The following TMEM132D variants were observed in gnomAD, a reference collection of about 807,000 sequenced individuals.
TMEM132D encodes the protein transmembrane protein 132D.
TMEM132D carries 21 observed loss-of-function variants against 62.3 expected under a neutral mutation model. That is an observed-to-expected ratio of 0.34 (90% CI 0.24 to 0.49). TMEM132D has a LOEUF of 0.49. Among genes scored for constraint, TMEM132D ranks in the 20% least tolerant of loss-of-function variants. The probability of loss-of-function intolerance (pLI) is 0.99; values close to 1 mark genes in which losing one functional copy is unlikely to be tolerated. For missense variants in TMEM132D, 1,346 were observed against 1,402.8 expected, an observed-to-expected ratio of 0.96 and a Z score of 0.65; for synonymous variants, 621 against 575.6, an observed-to-expected ratio of 1.08 and a Z score of -1.13.
intron 3 of TMEM132D, among the ~76,000 whole-genome samples, chr12:129,484,063 G>A (rs566644582): frequency 2.6e-5 from 4 of 151,986 alleles, no homozygotes; most frequent in Admixed American, 6.6e-5. Context: ...TTCACCTCCC[G>A]GGTTCAAGCG....
At chr12:129,382,756 T>C (rs145115836) in intron 3 of TMEM132D, among the ~76,000 whole-genome samples, 1 of 152,162 alleles carries the variant, frequency 6.6e-6, no homozygotes, top group African/African-American at 2.4e-5. Flanking sequence ...AAAGTGAGAT[T>C]TGAGGTGAAC....
chr12:129,854,295 C>A (rs1178264135), intron 1 of TMEM132D, among the ~76,000 whole-genome samples: 4 of 152,196 alleles, frequency 2.6e-5, no homozygotes, highest in Non-Finnish European at 5.9e-5. Context: ...ACCCCGGCCT[C>A]TGAGGCAGGC....
At chr12:129,295,833 T>C (rs1881560695) in intron 4 of TMEM132D, among the ~76,000 whole-genome samples, 1 of 152,190 alleles carries the variant, frequency 6.6e-6, no homozygotes, top group African/African-American at 2.4e-5. Flanking sequence ...ACAATGTAAA[T>C]GCTATATCAA....
At position 129,382,829 on chromosome 12, in the gene TMEM132D, C is replaced by T. The variant is rs185107007; in HGVS notation, c.1116-45012G>A. 1.4e-3 allele frequency among the ~76,000 whole-genome samples: 220 copies of T among 152,214 alleles called. 1 individual carries two copies. Among genetic ancestry groups the T allele is most frequent in the African/African-American group, 4.9e-3 (204 of 41,528 alleles). On this transcript the variant is annotated intron_variant, in intron 3 of 8. Transcript: ENST00000422113. Reference sequence around the variant, plus strand: ...ATACCCAAAGACAGGGGGAGAAGTCCTAGTTTGATTTTACGGCTGGTGGTG... The same window carrying T: ...ATACCCAAAGACAGGGGGAGAAGTCTTAGTTTGATTTTACGGCTGGTGGTG...
chr12:129,318,153 T>C (rs541740970), intron 4 of TMEM132D, among the ~76,000 whole-genome samples: 6 of 152,282 alleles, frequency 3.9e-5, no homozygotes, highest in African/African-American at 1.4e-4. Context: ...AAATCAGAGA[T>C]TTCTTCTTGG....
intron 5 of TMEM132D, among the ~76,000 whole-genome samples, chr12:129,102,375 C>T (rs1001914451): frequency 6.6e-6 from 1 of 151,396 alleles, no homozygotes; most frequent in Non-Finnish European, 1.5e-5. Context: ...CACACAAGCA[C>T]ATGCAGACAC....
chr12:129,252,887 T>C (rs920844839), intron 4 of TMEM132D, among the ~76,000 whole-genome samples: 1 of 152,060 alleles, frequency 6.6e-6, no homozygotes, highest in African/African-American at 2.4e-5. Context: ...TCATGTCCTT[T>C]GTAGGGACAT....
chr12:129,633,576 C>T (rs567203348), intron 2 of TMEM132D, among the ~76,000 whole-genome samples: 4 of 152,250 alleles, frequency 2.6e-5, no homozygotes, highest in Admixed American at 1.3e-4. Context: ...GATTCACACC[C>T]GGAGCCTTCC....
At chr12:129,388,084 C>T (rs536574684) in intron 3 of TMEM132D, among the ~76,000 whole-genome samples, 31 of 125,360 alleles carry the variant, frequency 2.5e-4, no homozygotes, top group African/African-American at 8.1e-4. Flanking sequence ...TAGACACTAA[C>T]AGCAACACCA....
intron 4 of TMEM132D, among the ~76,000 whole-genome samples, chr12:129,301,141 C>T (rs554134595): frequency 1.2e-4 from 18 of 152,270 alleles, no homozygotes; most frequent in Non-Finnish European, 1.6e-4. Flanking sequence ...ATCACTGTCC[C>T]GAGAGCAGAA....
chr12:129,505,250 T>G (rs1875293800), intron 3 of TMEM132D, among the ~76,000 whole-genome samples: 1 of 151,960 alleles, frequency 6.6e-6, no homozygotes, highest in Non-Finnish European at 1.5e-5. Flanking sequence ...GGTATAGTTT[T>G]TTTTTTTTTT....
intron 4 of TMEM132D, among the ~76,000 whole-genome samples, chr12:129,255,986 A>G (rs999937336): frequency 6.6e-6 from 1 of 152,334 alleles, no homozygotes; most frequent in East Asian, 1.9e-4. Context: ...ACCAAACCAC[A>G]TGGCTGGTGA....
Position 129,291,580 on chromosome 12 carries a change from C to T in TMEM132D, c.1299+46054G>A, listed in dbSNP as rs6486445. On this transcript the variant is annotated intron_variant, in intron 4 of 8. Transcript: ENST00000422113. The stretch of plus-strand genomic sequence containing the variant: ...TACTTTTGTAACAGAACAAAGGCTA[C>T]GGAAAATGTCTGTAAAATTTGGAAC... 6.0e-3 allele frequency among the ~76,000 whole-genome samples: 906 copies of T among 152,186 alleles called. 7 individuals carry two copies. The highest frequency in any genetic ancestry group is 0.017 in the African/African-American group (687 of 41,510).
chr12:129,309,934 GC>G (rs1259990108), intron 4 of TMEM132D, among the ~76,000 whole-genome samples: 1 of 152,156 alleles, frequency 6.6e-6, no homozygotes, highest in Admixed American at 6.5e-5. Context: ...ACCCGACTGA[GC>G]TGGAAGGGCC....
At chr12:129,244,385 C>CAAAAAAAA (rs751155633) in intron 4 of TMEM132D, among the ~76,000 whole-genome samples, 11 of 85,186 alleles carry the variant, frequency 1.3e-4, no homozygotes, top group East Asian at 4.3e-4. Flanking sequence ...GACTCTGTCT[C>CAAAAAAAA]AAAAAAAAAA....
In TMEM132D at chr12:129,545,216, G is replaced by A. The variant is rs571789642; in HGVS notation, c.969-14011C>T. 3.9e-5 allele frequency among the ~76,000 whole-genome samples: 6 copies of A among 152,242 alleles called. No individual in the cohort carries two copies. The South Asian group carries it at 6.2e-4, about 16-fold the overall frequency. On this transcript the variant is annotated intron_variant, in intron 2 of 8. Coordinates refer to ENST00000422113, the MANE Select transcript of TMEM132D (RefSeq NM_133448.3). ...TGTGAGATTTGATCTACTGCACCAC[G>A]AAGAGGCTGAGCATGATGTCAGCCC...
intron 1 of TMEM132D, among the ~76,000 whole-genome samples, chr12:129,810,574 CCCCCCA>C (rs1021223416): frequency 1.4e-3 from 7 of 4,828 alleles, no homozygotes; most frequent in African/African-American, 5.0e-3. Flanking sequence ...ACACACACAC[CCCCCCA>C]CACTCTTTAA....
At chr12:129,278,306 A>G (rs569811108) in intron 4 of TMEM132D, among the ~76,000 whole-genome samples, 1 of 152,250 alleles carries the variant, frequency 6.6e-6, no homozygotes, top group Non-Finnish European at 1.5e-5. Context: ...CTGGGTCACC[A>G]TGCACATGAA....
At chr12:129,201,922 G>A (rs972897715) in intron 5 of TMEM132D, among the ~76,000 whole-genome samples, 2 of 152,034 alleles carry the variant, frequency 1.3e-5, no homozygotes, top group Non-Finnish European at 2.9e-5. Context: ...GATGTAGGTG[G>A]CATTTCCCAT....
Sources: gnomAD v4.1 joint callset for allele counts (sites outside exome capture counted in the v4.1 genomes callset) on GRCh38, gnomAD v4.1.1 for gene constraint, MANE v1.5 for transcripts, NCBI Gene and HGNC (gene_info 2026-07-23, HGNC 2026-07-21) for gene names.